NCALD: variants seen among roughly 807,000 people sequenced by gnomAD.
NCALD encodes neurocalcin-delta.
NCALD carries 10 observed loss-of-function variants against 18.6 expected under a neutral mutation model. The ratio of observed to expected loss-of-function variants is 0.54; its 90% confidence interval spans 0.33 to 0.91. The LOEUF is 0.91. Ranked by LOEUF, NCALD falls within the 40% of genes least tolerant of loss-of-function variation. The pLI, the probability that NCALD is intolerant of heterozygous loss-of-function variation, is 0.03. For synonymous variants in NCALD, 88 were observed against 87.4 expected (o/e 1.01, Z -0.04); for missense variants, 184 against 247.6 (o/e 0.74, Z 1.72).
At chr8:101,821,907 A>T (rs13274020) in intron 4 of NCALD, among the ~76,000 whole-genome samples, 90,001 of 142,126 alleles carry the variant, frequency 0.63, 31,095 homozygotes, top group Non-Finnish European at 0.77. Context: ...AAAAAAAAAA[A>T]TGTAATTTTT....
chr8:101,854,084 G>A (rs1446480244), intron 4 of NCALD, among the ~76,000 whole-genome samples: 2 of 152,234 alleles, frequency 1.3e-5, no homozygotes, highest in Non-Finnish European at 2.9e-5. Context: ...GAGGAGGAAT[G>A]TAAAGTATGT....
At chr8:101,778,348 A>G (rs1431893237) in intron 1 of NCALD, among the ~76,000 whole-genome samples, 2 of 152,228 alleles carry the variant, frequency 1.3e-5, no homozygotes, top group Non-Finnish European at 1.5e-5. Flanking sequence ...TCATTTATAA[A>G]TATGATTGGG....
intron 1 of NCALD, chr8:102,069,996 C>A (rs1824129671): frequency 6.6e-6 from 1 of 152,042 alleles, no homozygotes; most frequent in South Asian, 2.1e-4. Flanking sequence ...TGCCTGTAAT[C>A]CCAGCTACTC....
chr8:101,766,301 T>C (rs1229860116), intron 1 of NCALD, among the ~76,000 whole-genome samples: 2 of 152,186 alleles, frequency 1.3e-5, no homozygotes, highest in African/African-American at 4.8e-5. Flanking sequence ...ATCTTTAACA[T>C]GTTTTTCTTG....
intron 2 of NCALD, among the ~76,000 whole-genome samples, chr8:101,944,056 G>C (rs1312409924): frequency 6.6e-6 from 1 of 152,174 alleles, no homozygotes; most frequent in Non-Finnish European, 1.5e-5. Context: ...CCTTCCAGCA[G>C]CCTAGTATTG....
intron 1 of NCALD, among the ~76,000 whole-genome samples, chr8:101,773,114 C>T (rs751987934): frequency 4.6e-5 from 7 of 152,098 alleles, no homozygotes; most frequent in East Asian, 1.9e-4. Flanking sequence ...ATTTGAACCC[C>T]GGCAGTCTGA....
In NCALD at chr8:101,688,672, C is replaced by A. The variant is rs1814568819; in HGVS notation, c.*637G>T. The A allele has an allele frequency of 4.3e-6, 2 of 466,176 alleles. No homozygotes were observed. The highest frequency in any genetic ancestry group is 4.7e-5 in the Admixed American group (2 of 42,806). The allele number at this position is 466,176 out of a possible 1,614,324, so 28.9% of individuals were successfully genotyped here. A position where few individuals can be genotyped will look rare whatever the true frequency, so the allele number is the denominator to read the frequency against. On this transcript the variant is annotated 3_prime_UTR_variant, in exon 4 of 4. Transcript: ENST00000220931. ...ATTTCCAAAGACACGCATATTAGCT[C>A]AACTAGTGTAAACCTGTGAAAAAAT...
At chr8:101,902,942 G>A (rs937497420) in intron 3 of NCALD, among the ~76,000 whole-genome samples, 2 of 152,072 alleles carry the variant, frequency 1.3e-5, no homozygotes, top group African/African-American at 2.4e-5. Context: ...CAAGGCTAAC[G>A]GAATAGAGAC....
At chr8:101,912,742 T>C (rs111708810) in intron 3 of NCALD, among the ~76,000 whole-genome samples, 1,605 of 152,336 alleles carry the variant, frequency 0.011, 18 homozygotes, top group Middle Eastern at 0.037. Context: ...TGATCCCCAC[T>C]GAGTCATGTC....
At position 101,862,313 on chromosome 8, in the gene NCALD, G is replaced by A. The variant is rs1220271265; in HGVS notation, c.-20+24828C>T. On this transcript the variant is annotated intron_variant, in intron 4 of 6. Transcript: ENST00000311028. ...ACACAATAATTAATAAACTACTTAC[G>A]GCAATTGTGATATTTTCTAGGACTT... Among the ~76,000 whole-genome samples, 7 of 152,242 alleles carry A rather than the reference G, an allele frequency of 4.6e-5. No individual in the cohort carries two copies. In the East Asian group the frequency reaches 7.7e-4, roughly 17 times the overall value.
intron 1 of NCALD, among the ~76,000 whole-genome samples, chr8:101,766,205 T>C (rs576809730): frequency 5.8e-4 from 89 of 152,180 alleles, no homozygotes; most frequent in Non-Finnish European, 1.0e-3. Context: ...GAGTATGACA[T>C]GGGAAAATGT....
At chr8:101,880,505 C>T (rs1307759799) in intron 4 of NCALD, among the ~76,000 whole-genome samples, 1 of 152,210 alleles carries the variant, frequency 6.6e-6, no homozygotes, top group East Asian at 1.9e-4. Flanking sequence ...AGAGCGGAGG[C>T]CGAGGCCAAG....
intron 1 of NCALD, among the ~76,000 whole-genome samples, chr8:101,756,159 C>T (rs1044659556): frequency 1.4e-4 from 21 of 151,746 alleles, no homozygotes; most frequent in Admixed American, 4.6e-4. Flanking sequence ...ATAAATGTAC[C>T]GCTAGTGGCT....
At chr8:101,691,865 G>A (rs1814742829) in intron 3 of NCALD, 1 of 985,442 alleles carries the variant, frequency 1.0e-6, no homozygotes, top group South Asian at 4.7e-5. Flanking sequence ...GCACATGGTT[G>A]ACAAGAATTG....
chr8:101,714,118 C>A (rs1339560486), intron 2 of NCALD, among the ~76,000 whole-genome samples: 1 of 152,150 alleles, frequency 6.6e-6, no homozygotes, highest in African/African-American at 2.4e-5. Context: ...TCCTGTTCAA[C>A]ATAGTATTGG....
In NCALD at chr8:101,974,840, T is replaced by A. The variant is rs183914853; in HGVS notation, c.-157+45397A>T. Among the ~76,000 whole-genome samples, 323 of 152,190 alleles carry A rather than the reference T, an allele frequency of 2.1e-3. 2 individuals carry two copies. Among genetic ancestry groups the A allele is most frequent in the Non-Finnish European group, 3.5e-3 (235 of 67,996 alleles). On this transcript the variant is annotated intron_variant, in intron 2 of 6. Coordinates refer to the NCALD transcript ENST00000311028. The stretch of plus-strand genomic sequence containing the variant: ...TAGTTATGCCAGAAAGGACAGGAAA[T>A]GGAAAAATAGCACCTCTGGGCATAA...
At chr8:101,755,613 C>T (rs1182803762) in intron 1 of NCALD, among the ~76,000 whole-genome samples, 1 of 152,188 alleles carries the variant, frequency 6.6e-6, no homozygotes, top group Admixed American at 6.5e-5. Context: ...TTCCAGCCCG[C>T]ATCTCACATC....
intron 1 of NCALD, among the ~76,000 whole-genome samples, chr8:101,730,860 A>T (rs543321140): frequency 2.6e-5 from 4 of 152,182 alleles, no homozygotes; most frequent in African/African-American, 9.7e-5. Context: ...TTGCCACTAG[A>T]CTGTAAGCAC....
intron 1 of NCALD, among the ~76,000 whole-genome samples, chr8:102,082,081 A>G (rs1398589985): frequency 6.6e-6 from 1 of 152,112 alleles, no homozygotes; most frequent in Non-Finnish European, 1.5e-5. Flanking sequence ...ATGCTGCCAC[A>G]ACCAAGTTAG....
Sources: gnomAD v4.1 joint callset for allele counts (sites outside exome capture counted in the v4.1 genomes callset) on GRCh38, gnomAD v4.1.1 for gene constraint, MANE v1.5 for transcripts, NCBI Gene and HGNC (gene_info 2026-07-23, HGNC 2026-07-21) for gene names.